ZEB1: variants seen among roughly 807,000 people sequenced by gnomAD.
The protein encoded by ZEB1 is zinc finger E-box binding homeobox 1.
ZEB1 carries 21 observed loss-of-function variants against 84.9 expected under a neutral mutation model. That is an observed-to-expected ratio of 0.25 (90% CI 0.18 to 0.36). The LOEUF (loss-of-function observed/expected upper bound fraction) is 0.36, where lower values mean the gene tolerates loss of function less well. Among genes scored for constraint, ZEB1 ranks in the 10% least tolerant of loss-of-function variants. The pLI is 1.00. For synonymous variants in ZEB1, 420 were observed against 471.1 expected, an observed-to-expected ratio of 0.89 and a Z score of 1.41; for missense variants, 1,104 against 1,330.2, an observed-to-expected ratio of 0.83 and a Z score of 2.65.
intron 1 of ZEB1, among the ~76,000 whole-genome samples, chr10:31,368,318 G>C (rs2134348178): frequency 6.6e-6 from 1 of 152,090 alleles, no homozygotes; most frequent in African/African-American, 2.4e-5. Flanking sequence ...ACCATGCCCA[G>C]CTAACTTTTG....
Position 31,527,640 on chromosome 10 carries a change from A to G in ZEB1, c.*376A>G, listed in dbSNP as rs1313998477. 2 of 214,710 alleles carry G rather than the reference A, an allele frequency of 9.3e-6. No individual in the cohort carries two copies. Among genetic ancestry groups the G allele is most frequent in the Admixed American group, 1.0e-4 (2 of 19,294 alleles). 13.3% of individuals were successfully genotyped at this position (214,710 alleles called of 1,614,324 possible). Reference sequence around the variant, plus strand: ...GGCATTGTTTTATCTTATCAGTATTATCACTCTTATGTTGGTTTATTCTTA... The same window carrying G: ...GGCATTGTTTTATCTTATCAGTATTGTCACTCTTATGTTGGTTTATTCTTA... On this transcript the variant is annotated 3_prime_UTR_variant, in exon 9 of 9. Transcript: ENST00000424869.
At chr10:31,339,296 A>T (rs2038885952) in intron 1 of ZEB1, among the ~76,000 whole-genome samples, 1 of 152,200 alleles carries the variant, frequency 6.6e-6, no homozygotes, top group Admixed American at 6.5e-5. Flanking sequence ...AAAACACATG[A>T]CTGTTAATGA....
chr10:31,481,813 C>T (rs191034907), intron 2 of ZEB1, among the ~76,000 whole-genome samples: 5 of 152,020 alleles, frequency 3.3e-5, no homozygotes. Flanking sequence ...AAGAAATATC[C>T]ATCCATCTGT....
chr10:31,337,071 T>C, intron 1 of ZEB1, among the ~76,000 whole-genome samples: 1 of 152,234 alleles, frequency 6.6e-6, no homozygotes, highest in South Asian at 2.1e-4. Context: ...GATAAGTAAA[T>C]TGTAGTATAT....
At chr10:31,428,944 G>A (rs12218467) in intron 1 of ZEB1, among the ~76,000 whole-genome samples, 18,390 of 152,058 alleles carry the variant, frequency 0.12, 2,840 homozygotes, top group African/African-American at 0.35. Flanking sequence ...TTTATTTTGA[G>A]CCTATGTGTG....
At chr10:31,362,683 T>C (rs1462079054) in intron 1 of ZEB1, 6 of 429,354 alleles carry the variant, frequency 1.4e-5, no homozygotes, top group Non-Finnish European at 2.2e-5. Flanking sequence ...TCCCAGATGG[T>C]GGAGCAGCAG....
At chr10:31,454,496 A>G (rs572329602) in intron 1 of ZEB1, among the ~76,000 whole-genome samples, 53 of 152,330 alleles carry the variant, frequency 3.5e-4, no homozygotes, top group Middle Eastern at 3.4e-3. Context: ...TTTGCAGATG[A>G]CATGATTGTA....
intron 2 of ZEB1, among the ~76,000 whole-genome samples, chr10:31,493,500 G>A (rs2066828591): frequency 6.6e-6 from 1 of 151,920 alleles, no homozygotes; most frequent in Non-Finnish European, 1.5e-5. Context: ...CAGTTAATCT[G>A]TTGACATTAT....
intron 4 of ZEB1, among the ~76,000 whole-genome samples, chr10:31,508,446 C>T (rs1591977567): frequency 6.6e-6 from 1 of 152,234 alleles, no homozygotes; most frequent in East Asian, 1.9e-4. Flanking sequence ...CTGGGTGAGT[C>T]AGTCCCCAGG....
chr10:31,432,006 C>T (rs1023694766), intron 1 of ZEB1, among the ~76,000 whole-genome samples: 7 of 152,118 alleles, frequency 4.6e-5, no homozygotes, highest in Admixed American at 1.3e-4. Flanking sequence ...TATGTGGATA[C>T]AGATATCAGT....
At chr10:31,457,316 G>T (rs2061352004) in intron 1 of ZEB1, among the ~76,000 whole-genome samples, 1 of 152,106 alleles carries the variant, frequency 6.6e-6, no homozygotes, top group South Asian at 2.1e-4. Flanking sequence ...TTTTAAATAA[G>T]CTGTGTAGAT....
chr10:31,463,042 G>A (rs939123323), intron 2 of ZEB1, among the ~76,000 whole-genome samples: 8 of 152,176 alleles, frequency 5.3e-5, no homozygotes, highest in African/African-American at 7.2e-5. Context: ...TAATTGTAGA[G>A]CTATGAACCT....
intron 1 of ZEB1, among the ~76,000 whole-genome samples, chr10:31,327,478 A>G (rs1391970081): frequency 3.9e-5 from 6 of 152,178 alleles, no homozygotes; most frequent in African/African-American, 7.2e-5. Context: ...CAGCTAGTTC[A>G]TTGCTTTTAA....
intron 1 of ZEB1, among the ~76,000 whole-genome samples, chr10:31,379,517 C>G (rs1168167101): frequency 1.3e-5 from 2 of 151,728 alleles, no homozygotes; most frequent in East Asian, 3.9e-4. Flanking sequence ...ATGTGCAAGT[C>G]AAATTTAATT....
intron 1 of ZEB1, among the ~76,000 whole-genome samples, chr10:31,449,457 T>G (rs2060260005): frequency 1.3e-5 from 2 of 152,180 alleles, no homozygotes; most frequent in African/African-American, 2.4e-5. Context: ...TTTCTTCTAA[T>G]ACTTTTATGG....
chr10:31,336,047 A>T (rs1022362483), intron 1 of ZEB1, among the ~76,000 whole-genome samples: 3 of 152,176 alleles, frequency 2.0e-5, no homozygotes, highest in African/African-American at 2.4e-5. Flanking sequence ...ATTATGAAAC[A>T]TTGGCAGACA....
intron 1 of ZEB1, among the ~76,000 whole-genome samples, chr10:31,382,916 GT>G (rs1049807500): frequency 3.3e-5 from 5 of 151,772 alleles, no homozygotes; most frequent in Non-Finnish European, 7.4e-5. Flanking sequence ...GAAATATGAG[GT>G]TTTTTTCATT....
chr10:31,452,846 T>C (rs2060778619), intron 1 of ZEB1, among the ~76,000 whole-genome samples: 1 of 152,018 alleles, frequency 6.6e-6, no homozygotes, highest in Non-Finnish European at 1.5e-5. Flanking sequence ...TCCACCGATC[T>C]TTGCATCACT....
At chr10:31,405,019 T>A (rs1039005774) in intron 1 of ZEB1, among the ~76,000 whole-genome samples, 6 of 152,302 alleles carry the variant, frequency 3.9e-5, no homozygotes, top group African/African-American at 1.4e-4. Flanking sequence ...CAAGAGGCCC[T>A]GAATTTTTAT....
Sources: gnomAD v4.1 joint callset for allele counts (sites outside exome capture counted in the v4.1 genomes callset) on GRCh38, gnomAD v4.1.1 for gene constraint, MANE v1.5 for transcripts, NCBI Gene and HGNC (gene_info 2026-07-23, HGNC 2026-07-21) for gene names.